PDE8B: variants seen among roughly 807,000 people sequenced by gnomAD.
The protein encoded by PDE8B is high affinity cAMP-specific and IBMX-insensitive 3',5'-cyclic phosphodiesterase 8B.
Under a neutral mutation model 101.3 loss-of-function variants are expected in PDE8B, and 26 were observed. That is an observed-to-expected ratio of 0.26 (90% confidence interval 0.19 to 0.36). The LOEUF (loss-of-function observed/expected upper bound fraction) is 0.36, where lower values mean the gene tolerates loss of function less well. Ranked by LOEUF, PDE8B falls within the 10% of genes least tolerant of loss-of-function variation. The probability of loss-of-function intolerance (pLI) is 1.00; values close to 1 mark genes in which losing one functional copy is unlikely to be tolerated. For missense variants in PDE8B, 810 were observed against 1,163.1 expected (o/e 0.70, Z 4.42); for synonymous variants, 424 against 429.3 (o/e 0.99, Z 0.15).
chr5:77,364,344 G>C (rs1295586088), intron 10 of PDE8B, among the ~76,000 whole-genome samples: 1 of 152,158 alleles, frequency 6.6e-6, no homozygotes, highest in African/African-American at 2.4e-5. Context: ...TTCTAACATG[G>C]TCAAAGCAGT....
chr5:77,280,667 G>T (rs1483190831), intron 1 of PDE8B, among the ~76,000 whole-genome samples: 1 of 152,104 alleles, frequency 6.6e-6, no homozygotes, highest in Non-Finnish European at 1.5e-5. Context: ...AGTCCAAGGC[G>T]GGTGGATCAC....
At chr5:77,156,754 C>T in the PDE8B span, among the ~76,000 whole-genome samples, 1 of 152,096 alleles carries the variant, frequency 6.6e-6, no homozygotes, top group Non-Finnish European at 1.5e-5. Context: ...CCACCCCTCA[C>T]TCTTCCTCTG....
At chr5:77,423,951 T>G (rs1345651541) in intron 20 of PDE8B, among the ~76,000 whole-genome samples, 2 of 152,024 alleles carry the variant, frequency 1.3e-5, no homozygotes, top group East Asian at 3.9e-4. Flanking sequence ...CATTTTTTTT[T>G]TTATGTTTAT....
intron 10 of PDE8B, among the ~76,000 whole-genome samples, chr5:77,399,610 C>A (rs998591803): frequency 7.9e-5 from 12 of 152,320 alleles, no homozygotes; most frequent in Non-Finnish European, 5.9e-5. Flanking sequence ...CCAAAGAAAG[C>A]ACACTTATTA....
At chr5:77,346,498 A>G (rs1053845944) in intron 7 of PDE8B, among the ~76,000 whole-genome samples, 1 of 152,240 alleles carries the variant, frequency 6.6e-6, no homozygotes, top group Admixed American at 6.5e-5. Context: ...CTTCTAGAAT[A>G]GGGAACAGAG....
At chr5:77,333,700 C>T (rs1260266617) in intron 5 of PDE8B, among the ~76,000 whole-genome samples, 3 of 152,230 alleles carry the variant, frequency 2.0e-5, no homozygotes, top group Non-Finnish European at 4.4e-5. Flanking sequence ...CATCTGCTCA[C>T]AGTTAGGAGA....
At chr5:77,277,452 C>T (rs1224692305) in intron 1 of PDE8B, among the ~76,000 whole-genome samples, 1 of 152,166 alleles carries the variant, frequency 6.6e-6, no homozygotes, top group Admixed American at 6.5e-5. Flanking sequence ...CAGAAGGCAT[C>T]TTCTGACAGT....
intron 1 of PDE8B, among the ~76,000 whole-genome samples, chr5:77,225,862 AC>A (rs1752247759): frequency 6.9e-6 from 1 of 144,710 alleles, no homozygotes; most frequent in Non-Finnish European, 1.5e-5. Flanking sequence ...ACACACACAC[AC>A]ACACACACAC....
chr5:77,260,700 G>A (rs527789017), intron 1 of PDE8B, among the ~76,000 whole-genome samples: 10 of 147,934 alleles, frequency 6.8e-5, no homozygotes, highest in South Asian at 2.2e-4. Flanking sequence ...CAATTCTCAC[G>A]CCTCAGCCAC....
intron 10 of PDE8B, among the ~76,000 whole-genome samples, chr5:77,370,694 T>G (rs1007821337): frequency 1.3e-5 from 2 of 152,212 alleles, no homozygotes; most frequent in Non-Finnish European, 2.9e-5. Flanking sequence ...ATTTGCTAAG[T>G]CATGGATTAA....
At chr5:77,172,536 C>T in the PDE8B span, among the ~76,000 whole-genome samples, 2 of 152,122 alleles carry the variant, frequency 1.3e-5, no homozygotes, top group African/African-American at 4.8e-5. Context: ...ACAGTCTGTC[C>T]CTCAATCATA....
intron 1 of PDE8B, among the ~76,000 whole-genome samples, chr5:77,260,006 AC>A (rs1760137729): frequency 1.3e-5 from 2 of 152,120 alleles, no homozygotes; most frequent in Admixed American, 1.3e-4. Flanking sequence ...TACTAAAAAT[AC>A]AAAAAGATTA....
chr5:77,105,165 A>G, the PDE8B span: 1 of 152,176 alleles, frequency 6.6e-6, no homozygotes, highest in African/African-American at 2.4e-5. Flanking sequence ...ATATACTGCA[A>G]TTTATTGATC....
the PDE8B span, chr5:77,143,979 G>A: frequency 6.6e-6 from 1 of 150,518 alleles, no homozygotes; most frequent in African/African-American, 2.4e-5. Flanking sequence ...TTCGGTCCAA[G>A]AACAGAAAAT....
In PDE8B at chr5:77,211,166, G is replaced by T. The variant is rs767684137; in HGVS notation, c.241G>T (p.Gly81Cys). 3.9e-6 allele frequency: 6 copies of T among 1,533,364 alleles called. No individual in the cohort carries two copies. The highest frequency in any genetic ancestry group is 1.2e-5 in the South Asian group (1 of 83,986). 95.0% of individuals were successfully genotyped at this position (1,533,364 alleles called of 1,614,324 possible). Reference protein sequence around the residue: ...RTELGSGSSAGSAAPAATTSR... With the variant: ...RTELGSGSSACSAAPAATTSR... ...CGAGCTGGGCAGCGGTAGCAGCGCG[G>T]GTTCCGCAGCCCCCGCCGCGACCAC... The change falls in exon 1 of 22, where the codon GGT becomes TGT. Residue 81 changes from glycine to cysteine, a missense_variant. Coordinates refer to ENST00000264917, the MANE Select transcript of PDE8B (RefSeq NM_003719.5). The surrounding 1 kb of genome is among the most constrained non-coding windows in gnomAD (Gnocchi z 4.1).
chr5:77,172,368 G>T, the PDE8B span, among the ~76,000 whole-genome samples: 1 of 152,214 alleles, frequency 6.6e-6, no homozygotes, highest in Non-Finnish European at 1.5e-5. Context: ...CTTGGGACAG[G>T]ATAAGTCAAA....
At chr5:77,164,758 TG>T in the PDE8B span, among the ~76,000 whole-genome samples, 1 of 152,098 alleles carries the variant, frequency 6.6e-6, no homozygotes, top group African/African-American at 2.4e-5. Context: ...ATATGTGTGT[TG>T]GGGGGAACAT....
the PDE8B span, among the ~76,000 whole-genome samples, chr5:77,172,725 A>T: frequency 6.6e-6 from 1 of 152,258 alleles, no homozygotes; most frequent in South Asian, 2.1e-4. Flanking sequence ...AAGATAAGAC[A>T]TTAGGAAATA....
chr5:77,151,559 T>C, the PDE8B span, among the ~76,000 whole-genome samples: 1 of 152,238 alleles, frequency 6.6e-6, no homozygotes, highest in Non-Finnish European at 1.5e-5. Flanking sequence ...CTCACATTTA[T>C]TGAGTTATTA....
Sources: allele counts gnomAD v4.1 joint callset (sites outside exome capture counted in the v4.1 genomes callset), GRCh38; gene constraint gnomAD v4.1.1; non-coding constraint Gnocchi (gnomAD v3.1); transcripts MANE v1.5; gene names NCBI Gene and HGNC (gene_info 2026-07-23, HGNC 2026-07-21).